Variants in LIN7A observed in about 807,000 individuals in gnomAD.
LIN7A encodes the protein protein lin-7 homolog A.
LIN7A carries 25 observed loss-of-function variants against 29.8 expected under a neutral mutation model. The ratio of observed to expected loss-of-function variants is 0.84; its 90% CI spans 0.61 to 1.17. The LOEUF is 1.17. Among genes scored for constraint, LIN7A ranks in the 50% most tolerant of loss-of-function variants. The pLI, the probability that LIN7A is intolerant of heterozygous loss-of-function variation, is 0.00. For missense variants in LIN7A, 239 were observed against 287.0 expected, an observed-to-expected ratio of 0.83 and a Z score of 1.21; for synonymous variants, 118 against 107.5, an observed-to-expected ratio of 1.10 and a Z score of -0.60.
chr12:80,837,466 T>C (rs1293712785), intron 4 of LIN7A, among the ~76,000 whole-genome samples: 2 of 151,584 alleles, frequency 1.3e-5, no homozygotes, highest in Non-Finnish European at 2.9e-5. Flanking sequence ...GAGATAGAGA[T>C]TGGAATGAGG....
intron 1 of LIN7A, among the ~76,000 whole-genome samples, chr12:80,901,607 G>GA (rs911114524): frequency 1.1e-4 from 17 of 152,202 alleles, no homozygotes; most frequent in Admixed American, 2.0e-4. Context: ...AATTGGAAGA[G>GA]AAAATCTATC....
At position 80,937,691 on chromosome 12, in the gene LIN7A, G is replaced by T. The variant is rs765356714; in HGVS notation, c.32C>A (p.Thr11Lys). 1.9e-6 allele frequency: 3 copies of T among 1,559,314 alleles called. No individual in the cohort carries two copies. Among genetic ancestry groups the T allele is most frequent in the Non-Finnish European group, 2.6e-6 (3 of 1,148,000 alleles). Residue 11 changes from threonine to lysine, a missense_variant, in exon 1 of 6, where the codon ACG (threonine) becomes AAG (lysine). Physicochemically the swap from Thr to Lys is moderately conservative, Grantham distance 78. Transcript: ENST00000552864. ...CACTGTCAATGTCGCCATGTCTGCC[G>T]TGGGAGCCGAAGTGACGCTCGGCTT... is the stretch of plus-strand genomic sequence containing the variant. MLKPSVTSAP[T>K]ADMATLTVVQ... is the part of the protein sequence containing the mutation.
chr12:80,802,736 G>C (rs1191593432), intron 5 of LIN7A, among the ~76,000 whole-genome samples: 1 of 151,504 alleles, frequency 6.6e-6, no homozygotes, highest in East Asian at 1.9e-4. Flanking sequence ...CTGGACTCAG[G>C]CAATCCTCCT....
At chr12:80,926,235 T>C (rs533471469) in intron 1 of LIN7A, among the ~76,000 whole-genome samples, 2 of 152,362 alleles carry the variant, frequency 1.3e-5, no homozygotes, top group East Asian at 3.9e-4. Context: ...TAACAGAGAA[T>C]CTATCTTGTT....
intron 2 of LIN7A, among the ~76,000 whole-genome samples, chr12:80,860,350 A>G (rs955170014): frequency 2.0e-5 from 3 of 152,230 alleles, no homozygotes; most frequent in Non-Finnish European, 4.4e-5. Context: ...GAAAGAATGG[A>G]TGTGAGACAA....
chr12:80,834,669 C>T (rs1872530479), intron 4 of LIN7A, among the ~76,000 whole-genome samples: 1 of 152,200 alleles, frequency 6.6e-6, no homozygotes, highest in Non-Finnish European at 1.5e-5. Flanking sequence ...CAGCAACCAA[C>T]ATTTGAGTTA....
rs948046789 is a variant in LIN7A at position 80,845,890 on chromosome 12, A to G, written c.323T>C (p.Val108Ala). 1.2e-6 allele frequency: 2 copies of G among 1,611,458 alleles called. No individual in the cohort carries two copies. The change falls in exon 4 of 6, where the codon GTA (valine) becomes GCA (alanine). Residue 108 changes from valine to alanine, a missense_variant. Coordinates refer to ENST00000552864, the MANE Select transcript of LIN7A (RefSeq NM_004664.4). The stretch of plus-strand genomic sequence containing the variant: ...TTCATCAGTCTTTGGCAGTTCAACT[A>G]CTCGAGGGTGGGAGTGGCCTTCACT... Reference protein sequence around the residue: ...AASEGHSHPRVVELPKTDEGL... With the variant: ...AASEGHSHPRAVELPKTDEGL...
chr12:80,875,606 C>T (rs143562259), intron 2 of LIN7A, among the ~76,000 whole-genome samples: 155 of 152,172 alleles, frequency 1.0e-3, no homozygotes, highest in African/African-American at 3.4e-3. Context: ...GTTTTGTCTG[C>T]GATTTCTATG....
intron 5 of LIN7A, among the ~76,000 whole-genome samples, chr12:80,800,388 C>T (rs1870659750): frequency 6.9e-6 from 1 of 145,006 alleles, no homozygotes; most frequent in Non-Finnish European, 1.5e-5. Context: ...ACTCGGAAGG[C>T]TGAGGCAGGA....
intron 2 of LIN7A, among the ~76,000 whole-genome samples, chr12:80,863,551 G>A (rs561076755): frequency 3.3e-4 from 50 of 152,292 alleles, no homozygotes; most frequent in Non-Finnish European, 6.5e-4. Context: ...ATTCTGATGA[G>A]TGTTTAATTA....
At chr12:80,911,769 A>C (rs546891243) in intron 1 of LIN7A, among the ~76,000 whole-genome samples, 2 of 152,270 alleles carry the variant, frequency 1.3e-5, no homozygotes, top group African/African-American at 4.8e-5. Context: ...GCTTTGTTTT[A>C]TCTTTTGAAC....
chr12:80,873,394 A>G (rs1325323474), intron 2 of LIN7A, among the ~76,000 whole-genome samples: 3 of 151,866 alleles, frequency 2.0e-5, no homozygotes, highest in Admixed American at 6.6e-5. Flanking sequence ...TAAGTGGGGC[A>G]TGGTTGCACA....
intron 2 of LIN7A, among the ~76,000 whole-genome samples, chr12:80,863,926 G>C (rs1353126564): frequency 1.3e-5 from 2 of 151,904 alleles, no homozygotes; most frequent in African/African-American, 4.8e-5. Flanking sequence ...ACATTAAAAT[G>C]TTCCTTTGAA....
At chr12:80,896,942 T>A (rs189401810) in intron 1 of LIN7A, among the ~76,000 whole-genome samples, 69 of 152,230 alleles carry the variant, frequency 4.5e-4, no homozygotes, top group Non-Finnish European at 8.8e-4. Context: ...ACCTACCCAA[T>A]AAGCAAATCT....
intron 1 of LIN7A, among the ~76,000 whole-genome samples, chr12:80,905,211 G>T (rs946122772): frequency 6.6e-6 from 1 of 150,428 alleles, no homozygotes; most frequent in African/African-American, 2.4e-5. Context: ...TTCTTTTGAG[G>T]CAGAGTGTGG....
chr12:80,824,714 A>G (rs1174590493), intron 4 of LIN7A, among the ~76,000 whole-genome samples: 1 of 152,236 alleles, frequency 6.6e-6, no homozygotes, highest in Non-Finnish European at 1.5e-5. Flanking sequence ...TTTAACATAC[A>G]TAAGTCAATA....
intron 1 of LIN7A, among the ~76,000 whole-genome samples, chr12:80,893,372 C>G (rs1875725763): frequency 6.6e-6 from 1 of 152,166 alleles, no homozygotes; most frequent in African/African-American, 2.4e-5. Context: ...GTGGAATCTA[C>G]TAAACAAGTT....
At chr12:80,804,903 A>G (rs906149179) in intron 5 of LIN7A, among the ~76,000 whole-genome samples, 1 of 151,994 alleles carries the variant, frequency 6.6e-6, no homozygotes, top group African/African-American at 2.4e-5. Context: ...GTGTACAAGT[A>G]CCACATTTTC....
Position 80,870,311 on chromosome 12 carries a change from C to T in LIN7A, c.201+18940G>A, listed in dbSNP as rs534421311. Among the ~76,000 whole-genome samples the T allele has an allele frequency of 5.9e-5, 9 of 152,246 alleles. No homozygotes were observed. The South Asian group carries it at 1.0e-3, about 18-fold the overall frequency. ...AAATCTTGGATGAATACAAAATGAA[C>T]GACTCCTCTAAAGTGTGGATTAAAT... is the stretch of plus-strand genomic sequence containing the variant. On this transcript the variant is annotated intron_variant, in intron 2 of 5. Transcript: ENST00000552864.
Sources: allele counts gnomAD v4.1 joint callset (sites outside exome capture counted in the v4.1 genomes callset), GRCh38; gene constraint gnomAD v4.1.1; transcripts MANE v1.5; gene names NCBI Gene and HGNC (gene_info 2026-07-23, HGNC 2026-07-21).